The following NPAS3 variants were observed in gnomAD, a reference collection of about 807,000 sequenced individuals.
NPAS3 encodes neuronal PAS domain-containing protein 3.
A neutral mutation model predicts 73.1 loss-of-function variants in NPAS3; 14 were observed. The observed-to-expected ratio is 0.19, with a 90% CI of 0.13 to 0.30. The LOEUF (loss-of-function observed/expected upper bound fraction) is 0.30. Among genes scored for constraint, NPAS3 ranks in the 10% least tolerant of loss-of-function variants. The probability of loss-of-function intolerance (pLI) is 1.00; values close to 1 mark genes in which losing one functional copy is unlikely to be tolerated. For synonymous variants in NPAS3, 620 were observed against 541.5 expected (o/e 1.14, Z -2.01); for missense variants, 1,096 against 1,250.0 (o/e 0.88, Z 1.86).
chr14:33,357,133 G>A (rs768716209), intron 3 of NPAS3, among the ~76,000 whole-genome samples: 3 of 152,210 alleles, frequency 2.0e-5, no homozygotes, highest in African/African-American at 7.2e-5. Flanking sequence ...CTCCTGCATA[G>A]TTACCGTTGA....
intron 2 of NPAS3, among the ~76,000 whole-genome samples, chr14:33,183,421 GTTTTTTTTTTTTTT>G (rs55643715): frequency 1.2e-3 from 73 of 60,794 alleles, no homozygotes; most frequent in African/African-American, 5.7e-3. Context: ...GTGAGACTCT[GTTTTTTTTTTTTTT>G]TTTTTTTTTT....
chr14:33,292,768 T>C (rs1409755568), intron 3 of NPAS3, among the ~76,000 whole-genome samples: 1 of 152,194 alleles, frequency 6.6e-6, no homozygotes, highest in Non-Finnish European at 1.5e-5. Context: ...GCACTTTTTG[T>C]AAATGGCTAA....
chr14:33,032,418 G>C (rs1411243074), intron 1 of NPAS3, among the ~76,000 whole-genome samples: 1 of 152,170 alleles, frequency 6.6e-6, no homozygotes, highest in Non-Finnish European at 1.5e-5. Context: ...CCAGGAGGAT[G>C]CCAGCATGCC....
intron 2 of NPAS3, among the ~76,000 whole-genome samples, chr14:33,177,077 ATT>A: frequency 1.1e-5 from 1 of 93,136 alleles, no homozygotes; most frequent in Non-Finnish European, 2.3e-5. Flanking sequence ...TCTTTTTATT[ATT>A]ATTATTATTA....
intron 3 of NPAS3, among the ~76,000 whole-genome samples, chr14:33,324,071 GCAGA>G (rs2043579747): frequency 6.6e-6 from 1 of 152,198 alleles, no homozygotes; most frequent in South Asian, 2.1e-4. Context: ...GCATTAAGAA[GCAGA>G]CAGTGACCGC....
Position 33,548,762 on chromosome 14 carries a change from G to A in NPAS3, c.469-11359G>A, listed in dbSNP as rs145345905. On this transcript the variant is annotated intron_variant, in intron 4 of 11. Transcript: ENST00000356141. The stretch of plus-strand genomic sequence containing the variant: ...TCCCAGCAGGCTAACACTCTGTGCT[G>A]CTTAGGAAAAAGCAGAATGACAAGG... 4.6e-5 allele frequency among the ~76,000 whole-genome samples: 7 copies of A among 152,276 alleles called. No homozygotes were observed. The East Asian group carries it at 1.4e-3, about 29-fold the overall frequency.
intron 6 of NPAS3, among the ~76,000 whole-genome samples, chr14:33,702,309 T>C (rs980387857): frequency 6.6e-6 from 1 of 152,246 alleles, no homozygotes; most frequent in African/African-American, 2.4e-5. Context: ...GGAGAGTGGC[T>C]TTCTATTGCA....
chr14:33,008,556 G>C (rs558407808), intron 1 of NPAS3, among the ~76,000 whole-genome samples: 4 of 152,054 alleles, frequency 2.6e-5, no homozygotes, highest in African/African-American at 9.7e-5. Flanking sequence ...AGAGAATGAC[G>C]TACACAAAAG....
chr14:33,470,441 G>C (rs888058563), intron 4 of NPAS3, among the ~76,000 whole-genome samples: 2 of 152,220 alleles, frequency 1.3e-5, no homozygotes, highest in Non-Finnish European at 2.9e-5. Context: ...TATAATAATA[G>C]GGTCCGTATT....
downstream of NPAS3, chr14:33,801,311 G>A: frequency 9.2e-7 from 1 of 1,087,930 alleles, no homozygotes; most frequent in Non-Finnish European, 1.3e-6. Context: ...CCTTCAGAGG[G>A]TCAGACGACC....
chr14:33,795,935 A>G (rs1046955699), intron 10 of NPAS3, among the ~76,000 whole-genome samples: 6 of 152,148 alleles, frequency 3.9e-5, no homozygotes, highest in African/African-American at 1.2e-4. Flanking sequence ...GTTTTAGCTG[A>G]CCTAAAAACA....
chr14:33,778,483 A>C, exon 9 of NPAS3: 1 of 1,612,148 alleles, frequency 6.2e-7, no homozygotes, highest in Non-Finnish European at 8.5e-7. Flanking sequence ...GATTATATGG[A>C]TCTGACCCCT....
chr14:33,420,147 C>CTTTGCTTTATA (rs1179689137), intron 4 of NPAS3, among the ~76,000 whole-genome samples: 2 of 152,078 alleles, frequency 1.3e-5, no homozygotes, highest in Admixed American at 1.3e-4. Context: ...TTAGCCTTCA[C>CTTTGCTTTATA]TTTGCTTTAT....
chr14:33,427,473 T>TGTC (rs755133057), intron 4 of NPAS3, among the ~76,000 whole-genome samples: 1 of 151,754 alleles, frequency 6.6e-6, no homozygotes, highest in African/African-American at 2.4e-5. Flanking sequence ...TTGGAACATC[T>TGTC]GTCGTCGACT....
chr14:32,981,170 G>A (rs532414543), intron 1 of NPAS3, among the ~76,000 whole-genome samples: 2 of 152,260 alleles, frequency 1.3e-5, no homozygotes, highest in East Asian at 3.9e-4. Flanking sequence ...TCATCAGAAA[G>A]TCATTATCCC....
At chr14:33,469,955 G>A (rs2050710023) in intron 4 of NPAS3, among the ~76,000 whole-genome samples, 1 of 152,124 alleles carries the variant, frequency 6.6e-6, no homozygotes. Flanking sequence ...GGCATCAGGG[G>A]GCCAGCTCAA....
intron 7 of NPAS3, among the ~76,000 whole-genome samples, chr14:33,759,334 G>A (rs2062211931): frequency 6.6e-6 from 1 of 152,168 alleles, no homozygotes; most frequent in African/African-American, 2.4e-5. Flanking sequence ...GTGGACCAAT[G>A]TTCTCTAAAT....
intron 7 of NPAS3, among the ~76,000 whole-genome samples, chr14:33,761,472 C>A (rs538796243): frequency 6.7e-6 from 1 of 149,338 alleles, no homozygotes; most frequent in South Asian, 2.1e-4. Flanking sequence ...ATCCTCAAGG[C>A]ATTATTTTTA....
chr14:33,448,883 C>T (rs1435901377), intron 4 of NPAS3, among the ~76,000 whole-genome samples: 1 of 152,156 alleles, frequency 6.6e-6, no homozygotes, highest in Non-Finnish European at 1.5e-5. Flanking sequence ...AATCTGTCTG[C>T]ACCAGATGCC....
Sources: gnomAD v4.1 joint callset for allele counts (sites outside exome capture counted in the v4.1 genomes callset) on GRCh38, gnomAD v4.1.1 for gene constraint, MANE v1.5 for transcripts, NCBI Gene and HGNC (gene_info 2026-07-23, HGNC 2026-07-21) for gene names.